ICA1: variants seen among roughly 807,000 people sequenced by gnomAD.
ICA1 encodes islet cell autoantigen 1.
In ICA1, 40 loss-of-function variants were observed where a neutral mutation model predicts 71.0. The ratio of observed to expected loss-of-function variants is 0.56; its 90% CI spans 0.44 to 0.73. The LOEUF is 0.73. Among genes scored for constraint, ICA1 ranks in the 30% least tolerant of loss-of-function variants. The probability of loss-of-function intolerance (pLI) is 0.00; values close to 1 mark genes in which losing one functional copy is unlikely to be tolerated. For missense variants in ICA1, 578 were observed against 576.5 expected (o/e 1.00, Z -0.03); for synonymous variants, 207 against 209.5 (o/e 0.99, Z 0.10).
chr7:8,232,520 G>C, intron 3 of ICA1, 70 bp downstream of exon 3: 1 of 1,311,666 alleles, frequency 7.6e-7, no homozygotes. Context: ...CTCTGCCTCA[G>C]TGAGTATACT....
Position 8,197,563 on chromosome 7 carries a change from G to A in ICA1, c.579+20742C>T, listed in dbSNP as rs11763151. ...TTCGTCTCAGAAAAAAAAAAAAAAA[G>A]AAGAAAGAAGAAATAATAATAATAA... On this transcript the variant is annotated intron_variant, in intron 6 of 13. Coordinates refer to ENST00000402384, the MANE Select transcript of ICA1 (RefSeq NM_001136020.3). Among the ~76,000 whole-genome samples the A allele has an allele frequency of 2.8e-4, 31 of 109,102 alleles. 2 individuals are homozygous for A. Among genetic ancestry groups the A allele is most frequent in the Admixed American group, 5.4e-4 (5 of 9,258 alleles). The allele number at this position is 109,102 out of a possible 152,430, so 71.6% of individuals were successfully genotyped here.
At chr7:8,249,479 C>A (rs1267506519) in intron 1 of ICA1, among the ~76,000 whole-genome samples, 1 of 152,184 alleles carries the variant, frequency 6.6e-6, no homozygotes. Context: ...ATACTCTAGC[C>A]ATTGGAGGAT....
At position 8,218,518 on chromosome 7, in the gene ICA1, A is replaced by G; in HGVS notation, c.381-15T>C. The G allele has an allele frequency of 6.2e-7, 1 of 1,611,892 alleles. No individual in the cohort carries two copies. Among genetic ancestry groups the G allele is most frequent in the Non-Finnish European group, 8.5e-7 (1 of 1,178,074 alleles). ...GTAAGGCCAACCTAGACAAGAGGAC[A>G]AAGCCACACTCTCAAAACTAAGCCA... On this transcript the variant is annotated splice_polypyrimidine_tract_variant and intron_variant, in intron 5 of 13. Transcript: ENST00000402384.
intron 6 of ICA1, among the ~76,000 whole-genome samples, chr7:8,170,024 T>G (rs1267022237): frequency 6.6e-6 from 1 of 151,938 alleles, no homozygotes; most frequent in Non-Finnish European, 1.5e-5. Flanking sequence ...GCTATTACAT[T>G]TAGACTTGAG....
chr7:8,133,074 C>T (rs1792071960), intron 12 of ICA1, among the ~76,000 whole-genome samples: 1 of 152,098 alleles, frequency 6.6e-6, no homozygotes, highest in African/African-American at 2.4e-5. Context: ...ATGGGTTAAC[C>T]CATTCATGGA....
At chr7:8,239,219 A>G (rs1802906996) in intron 1 of ICA1, among the ~76,000 whole-genome samples, 1 of 152,222 alleles carries the variant, frequency 6.6e-6, no homozygotes, top group Non-Finnish European at 1.5e-5. Context: ...ATTTCCTGAC[A>G]TAATCTATCT....
chr7:8,244,819 C>A (rs1805360320), intron 1 of ICA1, among the ~76,000 whole-genome samples: 1 of 152,190 alleles, frequency 6.6e-6, no homozygotes, highest in Non-Finnish European at 1.5e-5. Context: ...TGCTCATCAT[C>A]ATTGGTCATC....
At chr7:8,131,781 T>G (rs968548213) in intron 12 of ICA1, among the ~76,000 whole-genome samples, 1 of 152,178 alleles carries the variant, frequency 6.6e-6, no homozygotes, top group Non-Finnish European at 1.5e-5. Flanking sequence ...AGCTCTATAG[T>G]CAGTTGGCTC....
intron 1 of ICA1, among the ~76,000 whole-genome samples, chr7:8,253,657 A>C (rs1482412307): frequency 2.0e-5 from 3 of 152,070 alleles, no homozygotes; most frequent in Admixed American, 6.6e-5. Context: ...GCTTATAATT[A>C]AATATAAAGA....
At chr7:8,248,110 T>C (rs565083559) in intron 1 of ICA1, among the ~76,000 whole-genome samples, 1 of 152,312 alleles carries the variant, frequency 6.6e-6, no homozygotes, top group East Asian at 1.9e-4. Flanking sequence ...CCTAAGCACG[T>C]CATTTTACTT....
intron 6 of ICA1, among the ~76,000 whole-genome samples, chr7:8,190,473 T>C (rs1436401749): frequency 6.6e-6 from 1 of 152,234 alleles, no homozygotes; most frequent in Admixed American, 6.5e-5. Context: ...AAATCAATTA[T>C]AATAAGGTAA....
At position 8,143,895 on chromosome 7, in the gene ICA1, T is replaced by C; in HGVS notation, c.882A>G (p.Ala294=). 1 of 1,611,358 alleles carries C rather than the reference T, an allele frequency of 6.2e-7. No individual in the cohort carries two copies. Among genetic ancestry groups the C allele is most frequent in the Non-Finnish European group, 8.5e-7 (1 of 1,177,584 alleles). The stretch of plus-strand genomic sequence containing the variant: ...CTTACTGGCTCGGCTCCTGCACGGC[T>C]GCATCTGTACTTTCCTGCTGGTTGA... ...KKINQQESTD[A]AVQEPSQLIS... The change falls in exon 9 of 14, where the codon GCA becomes GCG. Residue 294 remains alanine, a synonymous_variant. Transcript: ENST00000402384.
intron 6 of ICA1, among the ~76,000 whole-genome samples, chr7:8,204,212 C>CT (rs1332481535): frequency 6.6e-6 from 1 of 152,164 alleles, no homozygotes; most frequent in Non-Finnish European, 1.5e-5. Context: ...CCCCAGAAAC[C>CT]TTTTTTTCCA....
At position 8,262,094 on chromosome 7, in the gene ICA1, C is replaced by G. The variant is rs1171963100; in HGVS notation, c.-80G>C. On this transcript the variant is annotated splice_region_variant and 5_prime_UTR_variant, in exon 1 of 14. Transcript: ENST00000402384. ...CGCCCCGACCCCGGAGGGCAGGTAC[C>G]TCGGAGCCCCGGCCCCCAGGAGCCT... 6.6e-6 allele frequency: 1 copy of G among 152,332 alleles called. No homozygotes were observed. Among genetic ancestry groups the G allele is most frequent in the Non-Finnish European group, 1.5e-5 (1 of 68,026 alleles). 9.4% of individuals were successfully genotyped at this position (152,332 alleles called of 1,614,324 possible).
intron 6 of ICA1, among the ~76,000 whole-genome samples, chr7:8,217,211 T>C (rs987671607): frequency 4.6e-5 from 7 of 152,212 alleles, no homozygotes; most frequent in Non-Finnish European, 8.8e-5. Flanking sequence ...TGCTGACACA[T>C]GAAGAACATC....
At chr7:8,153,231 C>T (rs1800231870) in intron 8 of ICA1, among the ~76,000 whole-genome samples, 1 of 152,212 alleles carries the variant, frequency 6.6e-6, no homozygotes, top group Non-Finnish European at 1.5e-5. Flanking sequence ...AACTGGCTTT[C>T]CTTCCAAAAA....
chr7:8,152,621 T>TTCCACCAATACCACCATCTCC lies in ICA1; in HGVS notation c.804+4494_804+4495insGGAGATGGTGGTATTGGTGGA, dbSNP rs1562699870. Among the ~76,000 whole-genome samples, 26 of 69,466 alleles carry TTCCACCAATACCACCATCTCC rather than the reference T, an allele frequency of 3.7e-4. No individual in the cohort carries two copies. In the East Asian group the frequency reaches 8.1e-3, roughly 22 times the overall value. 45.6% of individuals were successfully genotyped at this position (69,466 alleles called of 152,430 possible). A position where few individuals can be genotyped will look rare whatever the true frequency, so the allele number is the denominator to read the frequency against. ...CCCCCAGCACTACCACCATCACCTCTTCCACCACTACCACCATCTCCTCCA... is the reference window on the plus strand; with the variant it reads ...CCCCCAGCACTACCACCATCACCTCTTCCACCAATACCACCATCTCCTCCACCACTACCACCATCTCCTCCA... On this transcript the variant is annotated intron_variant, in intron 8 of 13. Coordinates refer to ENST00000402384, the MANE Select transcript of ICA1 (RefSeq NM_001136020.3).
At chr7:8,125,624 T>G (rs761124793) in intron 13 of ICA1, among the ~76,000 whole-genome samples, 3 of 152,244 alleles carry the variant, frequency 2.0e-5, no homozygotes, top group Admixed American at 6.5e-5. Context: ...TTATGCTTAT[T>G]ATTCACTGCC....
At chr7:8,128,197 A>T in intron 12 of ICA1, 55 bp from the exon 13 acceptor site, 1 of 1,571,802 alleles carries the variant, frequency 6.4e-7, no homozygotes, top group Non-Finnish European at 8.7e-7. Flanking sequence ...AGCCCTCAGG[A>T]ATCAATGCTG....
Sources: gnomAD v4.1 joint callset for allele counts (sites outside exome capture counted in the v4.1 genomes callset) on GRCh38, gnomAD v4.1.1 for gene constraint, MANE v1.5 for transcripts, NCBI Gene and HGNC (gene_info 2026-07-23, HGNC 2026-07-21) for gene names.